Variants in NEK1 observed in about 807,000 individuals in gnomAD.
The protein encoded by NEK1 is NIMA related kinase 1.
In NEK1, 137 loss-of-function variants were observed where a neutral mutation model predicts 182.1. The observed-to-expected ratio is 0.75, with a 90% CI of 0.65 to 0.87. NEK1 has a LOEUF of 0.87. Ranked by LOEUF, NEK1 falls within the 40% of genes least tolerant of loss-of-function variation. The probability of loss-of-function intolerance (pLI) is 0.00; values close to 1 mark genes in which losing one functional copy is unlikely to be tolerated. For synonymous variants in NEK1, 513 were observed against 492.2 expected (o/e 1.04, Z -0.56); for missense variants, 1,391 against 1,494.4 (o/e 0.93, Z 1.14).
At chr4:169,401,126 C>T (rs1052975212) in intron 33 of NEK1, among the ~76,000 whole-genome samples, 20 of 152,026 alleles carry the variant, frequency 1.3e-4, no homozygotes, top group African/African-American at 2.4e-4. Flanking sequence ...TGTACGTGCT[C>T]GACATACTTT....
At chr4:169,457,650 G>A (rs866678972) in intron 27 of NEK1, among the ~76,000 whole-genome samples, 2 of 141,042 alleles carry the variant, frequency 1.4e-5, no homozygotes, top group Admixed American at 7.0e-5. Context: ...GAGAAAGTGC[G>A]GGGCAGGGGG....
chr4:169,498,677 T>C lies in NEK1; in HGVS notation c.2007+8360A>G, dbSNP rs966979694. On this transcript the variant is annotated intron_variant, in intron 23 of 35. Coordinates refer to ENST00000507142, the MANE Select transcript of NEK1 (RefSeq NM_001199397.3). ...CTTCACTTATGAAGCTTAGTTTGGC[T>C]GGATATGAAATTCTGAGTTGAAAAT... Among the ~76,000 whole-genome samples, 7 of 152,180 alleles carry C rather than the reference T, an allele frequency of 4.6e-5. No homozygotes were observed. The East Asian group carries it at 1.2e-3, about 25-fold the overall frequency.
chr4:169,485,702 A>C (rs547793265), intron 23 of NEK1, among the ~76,000 whole-genome samples: 9 of 152,334 alleles, frequency 5.9e-5, no homozygotes, highest in African/African-American at 2.2e-4. Flanking sequence ...AGCTAAATCT[A>C]TAATATATAT....
intron 10 of NEK1, 137 bp from the exon 11 acceptor site, chr4:169,581,039 TAAA>T (rs34236215): frequency 0.019 from 2,542 of 130,674 alleles, 13 homozygotes; most frequent in Non-Finnish European, 0.027. Flanking sequence ...ACCAAGTTGT[TAAA>T]AAAAAAAAAA....
At chr4:169,427,512 T>G (rs1441308727) in intron 29 of NEK1, among the ~76,000 whole-genome samples, 1 of 151,966 alleles carries the variant, frequency 6.6e-6, no homozygotes, top group Non-Finnish European at 1.5e-5. Context: ...TTTATTTATT[T>G]TTGAGAGAGT....
At chr4:169,548,071 C>T (rs555573708) in intron 18 of NEK1, among the ~76,000 whole-genome samples, 1 of 152,304 alleles carries the variant, frequency 6.6e-6, no homozygotes, top group Non-Finnish European at 1.5e-5. Flanking sequence ...TTGGAATTTT[C>T]AGCCTTTTTG....
Position 169,401,698 on chromosome 4 carries a change from A to G in NEK1, c.3537T>C (p.Asp1179=). 2 of 1,613,920 alleles carry G rather than the reference A, an allele frequency of 1.2e-6. No homozygotes were observed. The highest frequency in any genetic ancestry group is 4.5e-5 in the East Asian group (2 of 44,882). The change falls in exon 33 of 36, where the codon GAT becomes GAC. Residue 1179 remains aspartate (D), a synonymous_variant. Transcript: ENST00000507142. The part of the protein sequence containing the change: ...TANGTDVADE[D]DNPSSESALN... ...GGGCACTTTCACTGCTGGGATTGTC[A>G]TCTTCATCTGCCACATCTGTCCCAT...
chr4:169,492,155 T>A (rs964172651), intron 23 of NEK1, among the ~76,000 whole-genome samples: 4 of 152,150 alleles, frequency 2.6e-5, no homozygotes, highest in Admixed American at 2.6e-4. Flanking sequence ...TCAATAACAA[T>A]CTTCAATGTA....
chr4:169,488,773 T>C (rs1749512163), intron 23 of NEK1, among the ~76,000 whole-genome samples: 1 of 152,196 alleles, frequency 6.6e-6, no homozygotes, highest in Non-Finnish European at 1.5e-5. Context: ...TGAGTAAAGA[T>C]AGATATATGA....
chr4:169,495,239 CTTTTTT>C (rs774183115), intron 23 of NEK1, among the ~76,000 whole-genome samples: 11,957 of 105,334 alleles, frequency 0.11, 523 homozygotes, highest in East Asian at 0.18. Context: ...ACATTTAAGT[CTTTTTT>C]TTTTTTTTTT....
chr4:169,579,390 C>T (rs752568802), intron 11 of NEK1, among the ~76,000 whole-genome samples: 2 of 152,172 alleles, frequency 1.3e-5, no homozygotes, highest in African/African-American at 2.4e-5. Flanking sequence ...AGCTTGACTG[C>T]CCACTGCCCA....
intron 2 of NEK1, among the ~76,000 whole-genome samples, chr4:169,609,166 G>A (rs950963718): frequency 2.0e-5 from 3 of 151,834 alleles, no homozygotes; most frequent in South Asian, 2.1e-4. Context: ...CACAAGAGAC[G>A]GCATGTTTCA....
intron 31 of NEK1, among the ~76,000 whole-genome samples, chr4:169,416,958 A>G (rs1351406817): frequency 2.0e-5 from 3 of 152,230 alleles, no homozygotes; most frequent in Non-Finnish European, 4.4e-5. Flanking sequence ...ATAAAATCAC[A>G]GTAATAAGTG....
chr4:169,406,687 G>C lies in NEK1; in HGVS notation c.3283C>G (p.Pro1095Ala). Reference sequence around the variant, plus strand: ...TCTTGACGAACATCTCCTACGGTGGGAACATCCATAAGGGTTCTGAACAGC... The same window carrying C: ...TCTTGACGAACATCTCCTACGGTGGCAACATCCATAAGGGTTCTGAACAGC... ...SKLFRTLMDV[P>A]TVGDVRQDNL... The change falls in exon 32 of 36, where the codon CCC (proline) becomes GCC (alanine). Residue 1095 changes from proline to alanine, a missense_variant. By Grantham distance (27) the Pro-to-Ala change is conservative. This residue lies in a region of NEK1 where 1,216 missense variants were observed against 1,277.6 expected (regional missense o/e 0.95). Transcript: ENST00000507142. 1 of 1,609,920 alleles carries C rather than the reference G, an allele frequency of 6.2e-7. No homozygotes were observed. The highest frequency in any genetic ancestry group is 8.5e-7 in the Non-Finnish European group (1 of 1,177,772).
chr4:169,458,450 G>A (rs953182696), intron 27 of NEK1, among the ~76,000 whole-genome samples: 3 of 151,928 alleles, frequency 2.0e-5, no homozygotes, highest in South Asian at 4.2e-4. Flanking sequence ...AAACTAGGCC[G>A]GGTGCAGTGG....
intron 2 of NEK1, among the ~76,000 whole-genome samples, chr4:169,607,209 AT>A (rs1432338337): frequency 4.6e-5 from 7 of 152,220 alleles, no homozygotes; most frequent in Non-Finnish European, 8.8e-5. Context: ...AAAACTAACA[AT>A]TTTTACAAGA....
intron 27 of NEK1, among the ~76,000 whole-genome samples, chr4:169,459,429 A>G (rs1021714610): frequency 4.6e-5 from 7 of 152,236 alleles, no homozygotes; most frequent in Admixed American, 3.9e-4. Flanking sequence ...ACTCTCATTC[A>G]TACACTGCAA....
chr4:169,535,624 A>T (rs180934721), intron 19 of NEK1, among the ~76,000 whole-genome samples: 3 of 152,214 alleles, frequency 2.0e-5, no homozygotes, highest in African/African-American at 7.2e-5. Context: ...CACGTCTGTA[A>T]TCCCAGCACT....
At chr4:169,480,400 G>A (rs1004319447) in intron 23 of NEK1, among the ~76,000 whole-genome samples, 1 of 150,970 alleles carries the variant, frequency 6.6e-6, no homozygotes, top group African/African-American at 2.4e-5. Flanking sequence ...AAATTCTGGG[G>A]TTTCTCAGAG....
Sources: gnomAD v4.1 joint callset for allele counts (sites outside exome capture counted in the v4.1 genomes callset) on GRCh38, gnomAD v4.1.1 for gene constraint, gnomAD v4.1.1 regional missense constraint, MANE v1.5 for transcripts, NCBI Gene and HGNC (gene_info 2026-07-23, HGNC 2026-07-21) for gene names.